The following WNT2 variants were observed in gnomAD, a reference collection of about 807,000 sequenced individuals.
WNT2 encodes protein Wnt-2.
Under a neutral mutation model 36.9 loss-of-function variants are expected in WNT2, and 12 were observed. The ratio of observed to expected loss-of-function variants is 0.33; its 90% CI spans 0.21 to 0.53. The LOEUF is 0.53. WNT2 is among the 20% of genes least tolerant of loss of function. WNT2 has a pLI of 0.95. For synonymous variants in WNT2, 163 were observed against 174.6 expected, an observed-to-expected ratio of 0.93 and a Z score of 0.52; for missense variants, 379 against 473.1, an observed-to-expected ratio of 0.80 and a Z score of 1.84.
chr7:117,294,768 A>T (rs938241416), intron 4 of WNT2, among the ~76,000 whole-genome samples: 1 of 152,214 alleles, frequency 6.6e-6, no homozygotes, highest in Non-Finnish European at 1.5e-5. Context: ...GGCTGTGTGC[A>T]GCGAGAGGCA....
intron 4 of WNT2, among the ~76,000 whole-genome samples, chr7:117,287,272 G>A (rs1303364238): frequency 1.3e-5 from 2 of 152,154 alleles, no homozygotes; most frequent in Non-Finnish European, 2.9e-5. Context: ...TTGAACCCAG[G>A]AGGTGGAGGT....
At chr7:117,303,930 G>A (rs1397672744) in intron 3 of WNT2, among the ~76,000 whole-genome samples, 1 of 152,182 alleles carries the variant, frequency 6.6e-6, no homozygotes, top group African/African-American at 2.4e-5. Flanking sequence ...ACTGGGGGCA[G>A]CCACAGTCTT....
intron 4 of WNT2, among the ~76,000 whole-genome samples, chr7:117,280,203 G>T (rs565914106): frequency 1.3e-5 from 2 of 152,194 alleles, no homozygotes; most frequent in Non-Finnish European, 2.9e-5. Context: ...CTCCGAGCCT[G>T]CATCGTGCTG....
In WNT2 at chr7:117,277,985, G is replaced by A. The variant is rs909285394; in HGVS notation, c.*170C>T. 5.8e-5 allele frequency: 38 copies of A among 656,848 alleles called. No homozygotes were observed. Among genetic ancestry groups the A allele is most frequent in the Middle Eastern group, 2.6e-4 (1 of 3,918 alleles). The allele number at this position is 656,848 out of a possible 1,614,324, so 40.7% of individuals were successfully genotyped here. ...GAATAGGGTAGGCTTTAGGTGCAGC[G>A]TGTGGCCCCCCCATCCTGGGGCCCC... On this transcript the variant is annotated 3_prime_UTR_variant, in exon 5 of 5. Coordinates refer to ENST00000265441, the MANE Select transcript of WNT2 (RefSeq NM_003391.3).
At chr7:117,307,347 A>G (rs1795033900) in intron 3 of WNT2, among the ~76,000 whole-genome samples, 1 of 152,184 alleles carries the variant, frequency 6.6e-6, no homozygotes, top group Non-Finnish European at 1.5e-5. Flanking sequence ...CCCATTTTAT[A>G]GATAAGAATA....
At chr7:117,308,251 A>G (rs997571518) in intron 3 of WNT2, among the ~76,000 whole-genome samples, 2 of 152,198 alleles carry the variant, frequency 1.3e-5, no homozygotes, top group East Asian at 3.8e-4. Context: ...AGACATTGTG[A>G]TTTCTTGAGC....
intron 2 of WNT2, among the ~76,000 whole-genome samples, chr7:117,318,803 T>C (rs1795268294): frequency 6.6e-6 from 1 of 152,196 alleles, no homozygotes; most frequent in African/African-American, 2.4e-5. Context: ...TGAGCCTGGC[T>C]GTTACCTCTA....
At chr7:117,316,297 G>A (rs548843299) in intron 2 of WNT2, among the ~76,000 whole-genome samples, 3 of 152,264 alleles carry the variant, frequency 2.0e-5, no homozygotes, top group African/African-American at 7.2e-5. Context: ...CTCATAACAC[G>A]GTGTTGTGGT....
At chr7:117,310,727 G>C (rs1032410396) in intron 3 of WNT2, among the ~76,000 whole-genome samples, 1 of 151,672 alleles carries the variant, frequency 6.6e-6, no homozygotes, top group Non-Finnish European at 1.5e-5. Flanking sequence ...TACACTTCCT[G>C]CTCCAATATC....
Position 117,320,704 on chromosome 7 carries a change from T to G in WNT2, c.173A>C (p.His58Pro). The change falls in exon 2 of 5, where the codon CAT becomes CCT. Residue 58 changes from histidine to proline, a missense_variant. Transcript: ENST00000265441. ...VSSQRQLCHR[H>P]PDVMRAISQG... ...GCTAATGGCACGCATCACATCTGGA[T>G]GTCGGTGACACAGCTGCCGCTGGCT... The G allele has an allele frequency of 6.2e-7, 1 of 1,614,068 alleles. No homozygotes were observed. Among genetic ancestry groups the G allele is most frequent in the Non-Finnish European group, 8.5e-7 (1 of 1,180,000 alleles).
In WNT2 at chr7:117,277,311, C is replaced by T. The variant is rs1405386799; in HGVS notation, c.*844G>A. The T allele has an allele frequency of 1.3e-5, 2 of 152,206 alleles. No individual in the cohort carries two copies. The highest frequency in any genetic ancestry group is 2.9e-5 in the Non-Finnish European group (2 of 68,040). The allele number at this position is 152,206 out of a possible 1,614,324, so 9.4% of individuals were successfully genotyped here. A position where few individuals can be genotyped will look rare whatever the true frequency, so the allele number is the denominator to read the frequency against. On this transcript the variant is annotated 3_prime_UTR_variant, in exon 5 of 5. Coordinates refer to ENST00000265441, the MANE Select transcript of WNT2 (RefSeq NM_003391.3). ...ATTCCATCCACTAAATTATTTTCCA[C>T]CATATTCACCCAATAGTTACAGAAT...
In WNT2 at chr7:117,323,035, G is replaced by C. The variant is rs1386482548; in HGVS notation, c.-46C>G. The stretch of plus-strand genomic sequence containing the variant: ...ATCAGGTCAGACTCCGTGTGCGGGC[G>C]CCATGCGTGCCCAGAGCAGAAGCGC... On this transcript the variant is annotated 5_prime_UTR_variant, in exon 1 of 5. Transcript: ENST00000265441. The C allele has an allele frequency of 5.8e-6, 9 of 1,539,930 alleles. No homozygotes were observed. The highest frequency in any genetic ancestry group is 3.6e-4 in the Middle Eastern group (2 of 5,590).
intron 3 of WNT2, among the ~76,000 whole-genome samples, chr7:117,300,588 C>T (rs1794885630): frequency 6.6e-6 from 1 of 152,100 alleles, no homozygotes; most frequent in Non-Finnish European, 1.5e-5. Context: ...TCACTTGATC[C>T]CAGGAGTTCA....
chr7:117,302,842 T>C (rs1317861723), intron 3 of WNT2, among the ~76,000 whole-genome samples: 4 of 152,170 alleles, frequency 2.6e-5, no homozygotes, highest in African/African-American at 9.7e-5. Flanking sequence ...GGCCTGCATA[T>C]GTGTGTATAG....
chr7:117,291,338 T>C (rs1000007052), intron 4 of WNT2, among the ~76,000 whole-genome samples: 1 of 152,188 alleles, frequency 6.6e-6, no homozygotes, highest in Admixed American at 6.5e-5. Context: ...AGAGGAGACC[T>C]CAGGGTGACC....
chr7:117,287,714 G>A (rs936638072), intron 4 of WNT2, among the ~76,000 whole-genome samples: 17 of 152,280 alleles, frequency 1.1e-4, no homozygotes, highest in Middle Eastern at 3.4e-3. Context: ...AAGGCTGGGT[G>A]TGGTGGCTCA....
At chr7:117,299,961 C>T (rs968230094) in intron 3 of WNT2, among the ~76,000 whole-genome samples, 4 of 152,028 alleles carry the variant, frequency 2.6e-5, no homozygotes, top group African/African-American at 7.2e-5. Flanking sequence ...TCTGTGCAAC[C>T]TCCTCCCTTC....
At chr7:117,282,567 C>T (rs527582037) in intron 4 of WNT2, among the ~76,000 whole-genome samples, 21 of 152,216 alleles carry the variant, frequency 1.4e-4, no homozygotes, top group South Asian at 6.2e-4. Flanking sequence ...AGCTCTGCAA[C>T]GTGTGAGGAG....
chr7:117,285,663 T>C (rs989019676), intron 4 of WNT2, among the ~76,000 whole-genome samples: 6 of 152,252 alleles, frequency 3.9e-5, no homozygotes, highest in African/African-American at 1.4e-4. Context: ...ATCATTAGAG[T>C]CTCCCAAATT....
Sources: allele counts gnomAD v4.1 joint callset (sites outside exome capture counted in the v4.1 genomes callset), GRCh38; gene constraint gnomAD v4.1.1; transcripts MANE v1.5; gene names NCBI Gene and HGNC (gene_info 2026-07-23, HGNC 2026-07-21).